Variants in IGF2BP3 observed in about 807,000 individuals in gnomAD.
IGF2BP3 encodes insulin like growth factor 2 mRNA binding protein 3, also known as insulin-like growth factor 2 mRNA-binding protein 3.
IGF2BP3 carries 9 observed loss-of-function variants against 73.8 expected under a neutral mutation model. The observed-to-expected ratio is 0.12, with a 90% CI of 0.07 to 0.21. IGF2BP3 has a LOEUF of 0.21. IGF2BP3 is among the 10% of genes least tolerant of loss of function. IGF2BP3 has a pLI of 1.00. For synonymous variants in IGF2BP3, 258 were observed against 256.7 expected (o/e 1.01, Z -0.05); for missense variants, 542 against 714.0 (o/e 0.76, Z 2.75).
At chr7:23,382,330 G>A (rs1469111855) in intron 3 of IGF2BP3, among the ~76,000 whole-genome samples, 2 of 151,656 alleles carry the variant, frequency 1.3e-5, no homozygotes, top group Non-Finnish European at 2.9e-5. Context: ...TGGCAGGATA[G>A]CAACTCCTGC....
rs1584077789 is a variant in IGF2BP3, at chr7:23,468,467, G to A, written c.236+15C>T. 6.2e-6 allele frequency: 10 copies of A among 1,614,022 alleles called. No individual in the cohort carries two copies. The East Asian group carries it at 2.0e-4, about 32-fold the overall frequency. On this transcript the variant is annotated intron_variant, in intron 2 of 14. Transcript: ENST00000258729. ...AGTGAGAACAGAATCGGGGCAAACA[G>A]AAGCAGCAGCTCACCTTTGCCTTTT... is the stretch of plus-strand genomic sequence containing the variant.
chr7:23,318,750 C>T (rs568699110), intron 11 of IGF2BP3, among the ~76,000 whole-genome samples: 4 of 152,152 alleles, frequency 2.6e-5, no homozygotes, highest in Non-Finnish European at 5.9e-5. Flanking sequence ...TAACAAGAAA[C>T]CTCCCTAGAA....
intron 2 of IGF2BP3, among the ~76,000 whole-genome samples, chr7:23,459,636 G>T (rs560233368): frequency 3.3e-5 from 5 of 151,668 alleles, no homozygotes; most frequent in Non-Finnish European, 7.4e-5. Context: ...TTCGAGACCA[G>T]CCTGGCCAAC....
At chr7:23,374,801 G>A (rs371441198) in intron 3 of IGF2BP3, among the ~76,000 whole-genome samples, 1 of 151,992 alleles carries the variant, frequency 6.6e-6, no homozygotes, top group Admixed American at 6.6e-5. Flanking sequence ...AGTGTCGGCC[G>A]GTCTGAGAAA....
chr7:23,317,818 T>A, intron 11 of IGF2BP3, 105 bp from the exon 12 acceptor site: 2 of 925,958 alleles, frequency 2.2e-6, no homozygotes, highest in African/African-American at 1.6e-5. Flanking sequence ...AATGCAGAAT[T>A]AAAGCCTTCG....
At chr7:23,328,077 A>G (rs1044395093) in intron 10 of IGF2BP3, among the ~76,000 whole-genome samples, 2 of 152,216 alleles carry the variant, frequency 1.3e-5, no homozygotes, top group African/African-American at 4.8e-5. Flanking sequence ...CCTATGACAC[A>G]GGTGAAAAAT....
chr7:23,330,324 T>C (rs1334877561), intron 10 of IGF2BP3, among the ~76,000 whole-genome samples: 12 of 148,320 alleles, frequency 8.1e-5, no homozygotes, highest in African/African-American at 2.9e-4. Flanking sequence ...ATTTATACAA[T>C]ATATATTTAT....
At chr7:23,341,404 G>A (rs915187899) in intron 10 of IGF2BP3, among the ~76,000 whole-genome samples, 2 of 152,040 alleles carry the variant, frequency 1.3e-5, no homozygotes, top group Non-Finnish European at 2.9e-5. Flanking sequence ...AATAGCTCAC[G>A]CCTATAACCC....
At chr7:23,443,679 A>G (rs1787989075) in intron 2 of IGF2BP3, among the ~76,000 whole-genome samples, 1 of 151,868 alleles carries the variant, frequency 6.6e-6, no homozygotes, top group Non-Finnish European at 1.5e-5. Context: ...TCTCAAAAAT[A>G]ATAATAATAA....
At chr7:23,419,031 C>T (rs1226447141) in intron 2 of IGF2BP3, among the ~76,000 whole-genome samples, 1 of 152,150 alleles carries the variant, frequency 6.6e-6, no homozygotes, top group African/African-American at 2.4e-5. Context: ...CAGCATTTAT[C>T]GGACTGTTAT....
chr7:23,340,485 C>A (rs776533821), intron 10 of IGF2BP3, among the ~76,000 whole-genome samples: 11 of 152,200 alleles, frequency 7.2e-5, no homozygotes, highest in Non-Finnish European at 1.6e-4. Flanking sequence ...ATTTCAATGT[C>A]ATTTTACTCT....
At chr7:23,413,602 G>C (rs1411236407) in intron 3 of IGF2BP3, 3 of 152,148 alleles carry the variant, frequency 2.0e-5, no homozygotes, top group Admixed American at 6.5e-5. Flanking sequence ...ACTCCACTAA[G>C]GCTTTCTCCC....
chr7:23,333,944 T>C lies in IGF2BP3; in HGVS notation c.1203+8120A>G, dbSNP rs3807467. Among the ~76,000 whole-genome samples, 2,296 of 152,298 alleles carry C rather than the reference T, an allele frequency of 0.015. 116 individuals carry two copies. The East Asian group carries it at 0.18, about 12-fold the overall frequency. ...CAAAGATTACTTTTCAAGAAAATTTTCCTCTGGGAATGTAAGGCAGCTCAC... is the reference window on the plus strand; with the variant it reads ...CAAAGATTACTTTTCAAGAAAATTTCCCTCTGGGAATGTAAGGCAGCTCAC... On this transcript the variant is annotated intron_variant, in intron 10 of 14. Transcript: ENST00000258729.
chr7:23,338,266 T>C (rs1018037576), intron 10 of IGF2BP3, among the ~76,000 whole-genome samples: 1 of 152,188 alleles, frequency 6.6e-6, no homozygotes, highest in African/African-American at 2.4e-5. Context: ...TTTGTGCTTA[T>C]CCTGAACTTT....
At chr7:23,366,759 G>C (rs1728478884) in intron 3 of IGF2BP3, among the ~76,000 whole-genome samples, 1 of 152,082 alleles carries the variant, frequency 6.6e-6, no homozygotes, top group Non-Finnish European at 1.5e-5. Context: ...AATGACAACA[G>C]AATAGGGAAA....
intron 2 of IGF2BP3, among the ~76,000 whole-genome samples, chr7:23,433,839 C>T (rs572534299): frequency 6.6e-6 from 1 of 152,202 alleles, no homozygotes; most frequent in Non-Finnish European, 1.5e-5. Context: ...CTTTGGGAGG[C>T]CGAGGCGGGA....
intron 3 of IGF2BP3, among the ~76,000 whole-genome samples, chr7:23,401,127 G>A (rs950589980): frequency 6.6e-6 from 1 of 152,150 alleles, no homozygotes; most frequent in Non-Finnish European, 1.5e-5. Context: ...CATGATTGAA[G>A]AAATGGTCTC....
intron 3 of IGF2BP3, among the ~76,000 whole-genome samples, chr7:23,372,318 C>G (rs920819257): frequency 3.3e-5 from 5 of 152,046 alleles, no homozygotes; most frequent in South Asian, 2.1e-4. Context: ...CGTGATCTGC[C>G]CCCCCTGGCC....
intron 10 of IGF2BP3, among the ~76,000 whole-genome samples, chr7:23,331,367 C>T (rs1784439763): frequency 6.6e-6 from 1 of 152,086 alleles, no homozygotes; most frequent in South Asian, 2.1e-4. Flanking sequence ...AAATGGAAAA[C>T]TGAACTTTCT....
Sources: gnomAD v4.1 joint callset for allele counts (sites outside exome capture counted in the v4.1 genomes callset) on GRCh38, gnomAD v4.1.1 for gene constraint, MANE v1.5 for transcripts, NCBI Gene and HGNC (gene_info 2026-07-23, HGNC 2026-07-21) for gene names.